The following FOXK2 variants were observed in gnomAD, a reference collection of about 807,000 sequenced individuals.
FOXK2 encodes the protein forkhead box protein K2.
In FOXK2, 24 loss-of-function variants were observed where a neutral mutation model predicts 53.3. That is an observed-to-expected ratio of 0.45 (90% CI 0.33 to 0.63). FOXK2 has a LOEUF of 0.63. Ranked by LOEUF, FOXK2 falls within the 30% of genes least tolerant of loss-of-function variation. The pLI, the probability that FOXK2 is intolerant of heterozygous loss-of-function variation, is 0.03. For missense variants in FOXK2, 952 were observed against 910.5 expected, an observed-to-expected ratio of 1.05 and a Z score of -0.59; for synonymous variants, 505 against 407.1, an observed-to-expected ratio of 1.24 and a Z score of -2.89.
chr17:82,569,970 C>G (rs2044895783), intron 3 of FOXK2, among the ~76,000 whole-genome samples: 1 of 116,054 alleles, frequency 8.6e-6, no homozygotes, highest in Non-Finnish European at 2.0e-5. Context: ...GCCTGTAATC[C>G]CCAGCACTTT....
At chr17:82,584,359 T>A (rs2045106164) in intron 6 of FOXK2, among the ~76,000 whole-genome samples, 171 bp downstream of exon 6, 1 of 152,022 alleles carries the variant, frequency 6.6e-6, no homozygotes, top group East Asian at 1.9e-4. Flanking sequence ...GAGTGTTTTT[T>A]AAAAATCAAT....
At chr17:82,561,346 G>A (rs1463563229) in intron 1 of FOXK2, among the ~76,000 whole-genome samples, 2 of 151,868 alleles carry the variant, frequency 1.3e-5, no homozygotes, top group African/African-American at 4.8e-5. Context: ...CTGGAAGTGG[G>A]GATTTTGGAG....
intron 4 of FOXK2, among the ~76,000 whole-genome samples, chr17:82,572,489 A>T (rs2044929481): frequency 1.4e-5 from 2 of 143,362 alleles, no homozygotes; most frequent in African/African-American, 2.6e-5. Flanking sequence ...CACACCAATA[A>T]TTTTTTTTTT....
At chr17:82,581,848 G>A (rs1033435661) in intron 4 of FOXK2, among the ~76,000 whole-genome samples, 1 of 152,154 alleles carries the variant, frequency 6.6e-6, no homozygotes, top group Non-Finnish European at 1.5e-5. Context: ...GACCTCAACT[G>A]AGCCGCTGCG....
At position 82,585,953 on chromosome 17, in the gene FOXK2, A is replaced by G; in HGVS notation, c.1329A>G (p.Leu443=). 4 of 1,612,746 alleles carry G rather than the reference A, an allele frequency of 2.5e-6. No homozygotes were observed. The highest frequency in any genetic ancestry group is 2.5e-6 in the Non-Finnish European group (3 of 1,179,896). ...TCTTAATCACCGTCCAGCGGCAGCT[A>G]CCACAGGCCATCAAGCCTGTCACCT... The part of the protein sequence containing the change: ...QPVLITVQRQ[L]PQAIKPVTYT... Residue 443 remains leucine, a synonymous_variant, in exon 7 of 9, where the codon CTA becomes CTG. Coordinates refer to ENST00000335255, the MANE Select transcript of FOXK2 (RefSeq NM_004514.4).
In FOXK2 at chr17:82,604,039, G is replaced by C. The variant is rs777729709; in HGVS notation, c.*2540G>C. 1.7e-4 allele frequency: 26 copies of C among 152,198 alleles called. No homozygotes were observed. Among genetic ancestry groups the C allele is most frequent in the African/African-American group, 4.8e-4 (20 of 41,454 alleles). The allele number at this position is 152,198 out of a possible 1,614,324, so 9.4% of individuals were successfully genotyped here. A position where few individuals can be genotyped will look rare whatever the true frequency, so the allele number is the denominator to read the frequency against. On this transcript the variant is annotated 3_prime_UTR_variant, in exon 9 of 9. Coordinates refer to ENST00000335255, the MANE Select transcript of FOXK2 (RefSeq NM_004514.4). ...TGCTGTCGCCGCAGCCCTGGCCCCT[G>C]GTGCTGGAGCTGCAGCACCTTTGGG... is the stretch of plus-strand genomic sequence containing the variant.
intron 1 of FOXK2, among the ~76,000 whole-genome samples, chr17:82,557,494 C>T (rs981029439): frequency 6.6e-6 from 1 of 152,058 alleles, no homozygotes; most frequent in African/African-American, 2.4e-5. Context: ...CATGCGCGTG[C>T]CACCATGCCT....
At chr17:82,596,690 G>T (rs921358270) in intron 8 of FOXK2, among the ~76,000 whole-genome samples, 2 of 152,218 alleles carry the variant, frequency 1.3e-5, no homozygotes, top group Non-Finnish European at 2.9e-5. Context: ...CGCGTGAACT[G>T]TAGGATTCCT....
At chr17:82,559,540 C>T in intron 1 of FOXK2, 1 of 455,210 alleles carries the variant, frequency 2.2e-6, no homozygotes, top group South Asian at 1.5e-5. Flanking sequence ...TGCTCATTAG[C>T]AGTGAGGAGG....
chr17:82,555,103 G>T (rs2044711161), intron 1 of FOXK2, among the ~76,000 whole-genome samples: 1 of 152,208 alleles, frequency 6.6e-6, no homozygotes, highest in African/African-American at 2.4e-5. Context: ...TAGGCTGACT[G>T]TATGAGACAG....
At chr17:82,560,051 G>T (rs2044776197) in intron 1 of FOXK2, among the ~76,000 whole-genome samples, 1 of 147,350 alleles carries the variant, frequency 6.8e-6, no homozygotes, top group South Asian at 2.2e-4. Flanking sequence ...TGTCGCCCTG[G>T]CTGGAGTGCA....
intron 8 of FOXK2, among the ~76,000 whole-genome samples, chr17:82,594,265 G>A (rs1338940066): frequency 1.3e-5 from 2 of 152,152 alleles, no homozygotes; most frequent in South Asian, 2.1e-4. Flanking sequence ...TTGGGAGGCC[G>A]AGGCGGGCGG....
chr17:82,577,351 G>A (rs1004477619), intron 4 of FOXK2: 8 of 685,872 alleles, frequency 1.2e-5, no homozygotes, highest in Non-Finnish European at 2.1e-5. Context: ...CAGAGGTGGA[G>A]GAGAAAGACA....
intron 1 of FOXK2, among the ~76,000 whole-genome samples, chr17:82,549,043 T>G (rs1437655933): frequency 6.6e-6 from 1 of 152,236 alleles, no homozygotes; most frequent in Non-Finnish European, 1.5e-5. Flanking sequence ...CACAGCAGCC[T>G]CTGGCAGGAC....
At chr17:82,539,965 CAA>C (rs56214001) in intron 1 of FOXK2, among the ~76,000 whole-genome samples, 1 of 119,944 alleles carries the variant, frequency 8.3e-6, no homozygotes, top group African/African-American at 3.2e-5. Context: ...GACTCCATCT[CAA>C]AAAAAAAAAA....
rs924148512 is a variant in FOXK2, at chr17:82,603,958, A to G, written c.*2459A>G. ...CCCGTCTTTAAGGCACTGTTTCTAAATTTTGAACTTAGCTCTGAATCCCCA... is the reference window on the plus strand; with the variant it reads ...CCCGTCTTTAAGGCACTGTTTCTAAGTTTTGAACTTAGCTCTGAATCCCCA... On this transcript the variant is annotated 3_prime_UTR_variant, in exon 9 of 9. Transcript: ENST00000335255. 2 of 152,168 alleles carry G rather than the reference A, an allele frequency of 1.3e-5. No homozygotes were observed. Among genetic ancestry groups the G allele is most frequent in the African/African-American group, 4.8e-5 (2 of 41,420 alleles). The allele number at this position is 152,168 out of a possible 1,614,324, so 9.4% of individuals were successfully genotyped here.
At chr17:82,558,060 C>T (rs1011387012) in intron 1 of FOXK2, among the ~76,000 whole-genome samples, 27 of 152,294 alleles carry the variant, frequency 1.8e-4, no homozygotes, top group African/African-American at 6.3e-4. Flanking sequence ...GGGTTGGGTA[C>T]AGTGGCCCAT....
chr17:82,561,534 G>C (rs1359534560), intron 1 of FOXK2, among the ~76,000 whole-genome samples: 1 of 152,136 alleles, frequency 6.6e-6, no homozygotes, highest in Non-Finnish European at 1.5e-5. Flanking sequence ...CCAGAGTCTG[G>C]TGTCCTGGAC....
intron 1 of FOXK2, among the ~76,000 whole-genome samples, chr17:82,538,507 A>G (rs2044542648): frequency 2.0e-5 from 3 of 152,118 alleles, no homozygotes; most frequent in Admixed American, 2.0e-4. Context: ...CATTAAGCTC[A>G]TTTTGTCAAA....
Sources: allele counts gnomAD v4.1 joint callset (sites outside exome capture counted in the v4.1 genomes callset), GRCh38; gene constraint gnomAD v4.1.1; transcripts MANE v1.5; gene names NCBI Gene and HGNC (gene_info 2026-07-23, HGNC 2026-07-21).